Variants in PCDH15 observed in about 807,000 individuals in gnomAD.
PCDH15 encodes the protein protocadherin related 15, also known as protocadherin-15.
A neutral mutation model predicts 178.5 loss-of-function variants in PCDH15; 129 were observed. The ratio of observed to expected loss-of-function variants is 0.72; its 90% CI spans 0.63 to 0.84. The LOEUF is 0.84. Among genes scored for constraint, PCDH15 ranks in the 40% least tolerant of loss-of-function variants. The probability of loss-of-function intolerance (pLI) is 0.00; values close to 1 mark genes in which losing one functional copy is unlikely to be tolerated. For synonymous variants in PCDH15, 800 were observed against 732.0 expected (o/e 1.09, Z -1.50); for missense variants, 2,230 against 2,099.9 (o/e 1.06, Z -1.21).
chr10:53,979,694 C>T (rs897203592), intron 21 of PCDH15, among the ~76,000 whole-genome samples: 4 of 152,150 alleles, frequency 2.6e-5, no homozygotes, highest in Admixed American at 6.5e-5. Flanking sequence ...CATAAAAACA[C>T]AATTATTTCC....
chr10:54,790,405 C>T (rs1222361286), intron 1 of PCDH15, among the ~76,000 whole-genome samples: 1 of 151,620 alleles, frequency 6.6e-6, no homozygotes, highest in Non-Finnish European at 1.5e-5. Flanking sequence ...TTTTAGAACA[C>T]AACAAGAGTA....
At chr10:55,064,526 A>C (rs575290087) in intron 2 of PCDH15, among the ~76,000 whole-genome samples, 1 of 152,050 alleles carries the variant, frequency 6.6e-6, no homozygotes, top group Non-Finnish European at 1.5e-5. Context: ...AAAAATTGAA[A>C]TCATTGTCAT....
intron 2 of PCDH15, among the ~76,000 whole-genome samples, chr10:55,003,964 G>C (rs569027675): frequency 6.6e-6 from 1 of 152,164 alleles, no homozygotes; most frequent in African/African-American, 2.4e-5. Flanking sequence ...GGCTGGGCTC[G>C]GGAGGCCTTT....
At chr10:54,564,768 T>C (rs1050653062) in intron 2 of PCDH15, among the ~76,000 whole-genome samples, 6 of 152,178 alleles carry the variant, frequency 3.9e-5, no homozygotes, top group African/African-American at 1.4e-4. Context: ...TATCTCTTTG[T>C]ATTGTTATAA....
intron 2 of PCDH15, among the ~76,000 whole-genome samples, chr10:55,570,979 T>C (rs1842398409): frequency 1.3e-5 from 2 of 152,076 alleles, no homozygotes; most frequent in Admixed American, 6.6e-5. Flanking sequence ...CAAAATTCCC[T>C]AAATATAGAA....
intron 2 of PCDH15, among the ~76,000 whole-genome samples, chr10:55,525,409 T>A (rs1327165106): frequency 6.6e-6 from 1 of 151,892 alleles, no homozygotes; most frequent in Non-Finnish European, 1.5e-5. Flanking sequence ...ATAGTGAAAG[T>A]CACTAGATAG....
At chr10:54,388,871 A>G (rs1377093421) in intron 3 of PCDH15, among the ~76,000 whole-genome samples, 2 of 152,184 alleles carry the variant, frequency 1.3e-5, no homozygotes, top group East Asian at 3.9e-4. Flanking sequence ...CCTCCATGAT[A>G]AAAGTGGGTT....
chr10:54,051,765 G>T (rs1590130368), intron 18 of PCDH15, among the ~76,000 whole-genome samples: 1 of 152,276 alleles, frequency 6.6e-6, no homozygotes, highest in East Asian at 1.9e-4. Flanking sequence ...AATGTCTCCA[G>T]GGCATATCAG....
chr10:55,366,606 A>C lies in PCDH15; in HGVS notation c.-155-199955T>G, dbSNP rs116503726. ...TAAGCTAACTATAGTAGGCTGAAAG[A>C]AAATACTTCGACAGAAGTTAACAAA... On this transcript the variant is annotated intron_variant, in intron 2 of 5. Transcript: ENST00000613346. Among the ~76,000 whole-genome samples, 856 of 152,312 alleles carry C rather than the reference A, an allele frequency of 5.6e-3. 10 individuals carry two copies. Among genetic ancestry groups the C allele is most frequent in the African/African-American group, 0.02 (817 of 41,574 alleles).
Position 54,273,128 on chromosome 10 carries a change from G to T in PCDH15, c.877-36197C>A, listed in dbSNP as rs117715820. 5.7e-3 allele frequency among the ~76,000 whole-genome samples: 865 copies of T among 152,170 alleles called. 7 individuals carry two copies. The highest frequency in any genetic ancestry group is 0.011 in the Non-Finnish European group (725 of 67,986). On this transcript the variant is annotated intron_variant, in intron 8 of 37. Transcript: ENST00000644397. ...AGAAAGAACCCAATAAAAAGAGGCA[G>T]CCAGATAATGCTGTTGTTTGTGAAC... is the stretch of plus-strand genomic sequence containing the variant.
chr10:55,264,281 G>A (rs753524804), intron 1 of PCDH15, among the ~76,000 whole-genome samples: 20 of 152,106 alleles, frequency 1.3e-4, no homozygotes, highest in Admixed American at 5.2e-4. Flanking sequence ...CAGGCCACAG[G>A]CACAATATAA....
Position 54,020,389 on chromosome 10 carries a change from C to A in PCDH15, c.2554G>T (p.Val852Leu). Reference sequence around the variant, plus strand: ...TCTGGGCTTCTTATCCGGTAAGACACATTTGCTCCAAGGTCGACATCTTTG... The same window carrying A: ...TCTGGGCTTCTTATCCGGTAAGACAAATTTGCTCCAAGGTCGACATCTTTG... ...EAKDVDLGAN[V>L]SYRIRSPEVK... is the part of the protein sequence containing the mutation. The change falls in exon 20 of 38, where the codon GTG (valine) becomes TTG (leucine). Residue 852 changes from valine to leucine, a missense_variant. By Grantham distance (32) the Val-to-Leu change is conservative. Transcript: ENST00000644397. 1.2e-6 allele frequency: 2 copies of A among 1,613,762 alleles called. No homozygotes were observed. Among genetic ancestry groups the A allele is most frequent in the Non-Finnish European group, 1.7e-6 (2 of 1,179,768 alleles).
chr10:54,179,895 G>C (rs986067257), intron 13 of PCDH15, among the ~76,000 whole-genome samples: 5 of 152,292 alleles, frequency 3.3e-5, no homozygotes, highest in African/African-American at 1.2e-4. Context: ...CTAGCTACTA[G>C]TATTTAAATT....
At chr10:55,277,124 T>A (rs538882620) in intron 1 of PCDH15, among the ~76,000 whole-genome samples, 44 of 152,144 alleles carry the variant, frequency 2.9e-4, no homozygotes, top group Admixed American at 2.6e-3. Context: ...TCATTGAGAG[T>A]ATCTAATCTG....
intron 3 of PCDH15, among the ~76,000 whole-genome samples, chr10:54,424,120 A>G (rs866223081): frequency 1.3e-5 from 2 of 151,984 alleles, no homozygotes; most frequent in Admixed American, 1.3e-4. Context: ...CTTATCTGAC[A>G]AAGGGCTAAT....
At chr10:54,584,756 G>A (rs149773303) in intron 2 of PCDH15, among the ~76,000 whole-genome samples, 171 of 152,162 alleles carry the variant, frequency 1.1e-3, no homozygotes, top group African/African-American at 4.0e-3. Flanking sequence ...ACTGTGCTGA[G>A]TTCTTGGCTG....
chr10:54,983,136 T>A (rs1363243727), intron 2 of PCDH15, among the ~76,000 whole-genome samples: 1 of 152,166 alleles, frequency 6.6e-6, no homozygotes, highest in Non-Finnish European at 1.5e-5. Context: ...TTCAAATACA[T>A]GTTAAAACTA....
intron 2 of PCDH15, among the ~76,000 whole-genome samples, chr10:54,546,078 T>C (rs2085820747): frequency 6.6e-6 from 1 of 152,182 alleles, no homozygotes; most frequent in African/African-American, 2.4e-5. Flanking sequence ...ATGGGGATTG[T>C]ACCTATGAGG....
chr10:55,548,929 T>C (rs1564448711), intron 2 of PCDH15, among the ~76,000 whole-genome samples: 1 of 152,278 alleles, frequency 6.6e-6, no homozygotes, highest in African/African-American at 2.4e-5. Flanking sequence ...AAAAAGATGA[T>C]GGTTTAGAAA....
Sources: allele counts gnomAD v4.1 joint callset (sites outside exome capture counted in the v4.1 genomes callset), GRCh38; gene constraint gnomAD v4.1.1; transcripts MANE v1.5; gene names NCBI Gene and HGNC (gene_info 2026-07-23, HGNC 2026-07-21).